The following TBC1D16 variants were observed in gnomAD, a reference collection of about 807,000 sequenced individuals.
The protein encoded by TBC1D16 is TBC1 domain family member 16, also known as CTD-2529O21.1.
TBC1D16 carries 58 observed loss-of-function variants against 74.7 expected under a neutral mutation model. The observed-to-expected ratio is 0.78, with a 90% CI of 0.63 to 0.97. The LOEUF (loss-of-function observed/expected upper bound fraction) is 0.97, where lower values mean the gene tolerates loss of function less well. Ranked by LOEUF, TBC1D16 falls within the 50% of genes least tolerant of loss-of-function variation. TBC1D16 has a pLI of 0.00. For missense variants in TBC1D16, 1,014 were observed against 1,079.5 expected, an observed-to-expected ratio of 0.94 and a Z score of 0.85; for synonymous variants, 493 against 474.7, an observed-to-expected ratio of 1.04 and a Z score of -0.50.
At chr17:80,031,640 C>T (rs568060172) in intron 1 of TBC1D16, among the ~76,000 whole-genome samples, 1 of 152,262 alleles carries the variant, frequency 6.6e-6, no homozygotes, top group South Asian at 2.1e-4. Flanking sequence ...AGACCATCTG[C>T]CATTTGTGCA....
chr17:80,015,510 C>T (rs2036056146), intron 1 of TBC1D16, among the ~76,000 whole-genome samples: 1 of 152,148 alleles, frequency 6.6e-6, no homozygotes, highest in Non-Finnish European at 1.5e-5. Flanking sequence ...TGGGGGATGT[C>T]CAGGACTCTG....
At chr17:79,992,485 C>T (rs1399488946) in intron 3 of TBC1D16, 1 of 152,296 alleles carries the variant, frequency 6.6e-6, no homozygotes, top group Non-Finnish European at 1.5e-5. Flanking sequence ...CCGCCAGGCT[C>T]GGAGAGAGAC....
In TBC1D16 at chr17:80,010,989, G is replaced by A. The variant is rs561034616; in HGVS notation, c.182-232C>T. On this transcript the variant is annotated intron_variant, in intron 2 of 11. Transcript: ENST00000310924. The surrounding 1 kb of genome is among the most constrained non-coding windows in gnomAD (Gnocchi z 8.8). ...CACACACTTCCGGCAGATCCAGGGG[G>A]CACTGGTCCCCAAGCACCGGCCTGC... Among the ~76,000 whole-genome samples, 2 of 152,258 alleles carry A rather than the reference G, an allele frequency of 1.3e-5. No homozygotes were observed. Among genetic ancestry groups the A allele is most frequent in the East Asian group, 1.9e-4 (1 of 5,172 alleles).
intron 1 of TBC1D16, among the ~76,000 whole-genome samples, chr17:80,019,619 C>G (rs1248860278): frequency 6.7e-6 from 1 of 149,962 alleles, no homozygotes; most frequent in Non-Finnish European, 1.5e-5. Flanking sequence ...AGTTCCCAAC[C>G]TCTGGTCACC....
intron 7 of TBC1D16, 109 bp from the exon 8 acceptor site, chr17:79,949,115 C>A: frequency 2.7e-6 from 4 of 1,488,506 alleles, no homozygotes; most frequent in South Asian, 1.2e-5. Context: ...GTTCCCTGGA[C>A]GGGAGCTGGG....
chr17:80,013,376 G>A lies in TBC1D16; in HGVS notation c.172C>T (p.His58Tyr). Residue 58 changes from histidine to tyrosine, a missense_variant, in exon 2 of 12, where the codon CAC (histidine) becomes TAC (tyrosine). His to Tyr is a moderately conservative substitution (Grantham distance 83). Coordinates refer to ENST00000310924, the MANE Select transcript of TBC1D16 (RefSeq NM_019020.4). ...GCCTGCCCTGGCTCACCTGGGTGGTGCTCCCCCAGCCCCTGCAGCCCCTCC... is the reference window on the plus strand; with the variant it reads ...GCCTGCCCTGGCTCACCTGGGTGGTACTCCCCCAGCCCCTGCAGCCCCTCC... ...PPEGLQGLGE[H>Y]HPGYLCLYME... 2 of 1,604,288 alleles carry A rather than the reference G, an allele frequency of 1.2e-6. No individual in the cohort carries two copies. The highest frequency in any genetic ancestry group is 2.2e-5 in the South Asian group (2 of 89,496).
In TBC1D16 at chr17:79,994,552, T is replaced by C. The variant is rs1283579043; in HGVS notation, c.779+15608A>G. Among the ~76,000 whole-genome samples, 1 of 152,168 alleles carries C rather than the reference T, an allele frequency of 6.6e-6. No homozygotes were observed. The highest frequency in any genetic ancestry group is 1.9e-4 in the East Asian group (1 of 5,192). ...AATTCTCCTGTCTCAGCCTCCCAAG[T>C]AGCTGGGATTACAGGTGTCTGCCAC... On this transcript the variant is annotated intron_variant, in intron 3 of 11. Coordinates refer to ENST00000310924, the MANE Select transcript of TBC1D16 (RefSeq NM_019020.4). The surrounding 1 kb of genome is among the most constrained non-coding windows in gnomAD (Gnocchi z 4.6).
Position 80,034,257 on chromosome 17 carries a change from A to C in TBC1D16, c.-63+1538T>G, listed in dbSNP as rs139212741. 5.4e-5 allele frequency among the ~76,000 whole-genome samples: 7 copies of C among 128,744 alleles called. No homozygotes were observed. The East Asian group carries it at 1.6e-3, about 29-fold the overall frequency. 84.5% of individuals were successfully genotyped at this position (128,744 alleles called of 152,430 possible). A position where few individuals can be genotyped will look rare whatever the true frequency, so the allele number is the denominator to read the frequency against. Reference sequence around the variant, plus strand: ...TGCTCTATCACCCGGGCTGGGGTGCAGTTGCACATCTTGGCTCACTGCAAC... The same window carrying C: ...TGCTCTATCACCCGGGCTGGGGTGCCGTTGCACATCTTGGCTCACTGCAAC... On this transcript the variant is annotated intron_variant, in intron 1 of 11. Transcript: ENST00000310924.
At position 79,994,112 on chromosome 17, in the gene TBC1D16, T is replaced by C. The variant is rs2035180015; in HGVS notation, c.779+16048A>G. 6.6e-6 allele frequency among the ~76,000 whole-genome samples: 1 copy of C among 152,012 alleles called. No homozygotes were observed. The highest frequency in any genetic ancestry group is 6.6e-5 in the Admixed American group (1 of 15,260). Reference sequence around the variant, plus strand: ...CTTATTTCCTCCCTGTCCTGACAGTTTTACTAGAAAGGTCAGCTTTTTAAA... The same window carrying C: ...CTTATTTCCTCCCTGTCCTGACAGTCTTACTAGAAAGGTCAGCTTTTTAAA... On this transcript the variant is annotated intron_variant, in intron 3 of 11. Transcript: ENST00000310924. The surrounding 1 kb of genome is among the most constrained non-coding windows in gnomAD (Gnocchi z 4.6).
chr17:80,002,923 A>G (rs1395767592), intron 3 of TBC1D16, among the ~76,000 whole-genome samples: 1 of 152,136 alleles, frequency 6.6e-6, no homozygotes, highest in Admixed American at 6.5e-5. Flanking sequence ...AGGGAACACC[A>G]CGCGGCCTTG....
Position 79,969,597 on chromosome 17 carries a change from C to T in TBC1D16, c.780-16779G>A, listed in dbSNP as rs115848358. Among the ~76,000 whole-genome samples the T allele has an allele frequency of 1.8e-3, 280 of 152,276 alleles. 1 individual carries two copies. The highest frequency in any genetic ancestry group is 6.4e-3 in the African/African-American group (266 of 41,562). On this transcript the variant is annotated intron_variant, in intron 3 of 11. Transcript: ENST00000310924. Reference sequence around the variant, plus strand: ...TTGGTAGGTCCTCAAAAATTAAACACAGTGTTAACATTTGACCAAGTAATT... The same window carrying T: ...TTGGTAGGTCCTCAAAAATTAAACATAGTGTTAACATTTGACCAAGTAATT...
In TBC1D16 at chr17:79,952,800, G is replaced by T. The variant is rs145328326; in HGVS notation, c.798C>A (p.Asp266Glu). The T allele has an allele frequency of 1.2e-6, 2 of 1,609,904 alleles. No individual in the cohort carries two copies. Among genetic ancestry groups the T allele is most frequent in the South Asian group, 2.2e-5 (2 of 90,848 alleles). The stretch of plus-strand genomic sequence containing the variant: ...TGCTGTCCGGGAACCGCAGGCCGGC[G>T]TCGGAGCTGGACGGGGGGCTGGTGG... ...ESDSSPPSSS[D>E]AGLRFPDSNG... Residue 266 changes from aspartate (D) to glutamate (E), a missense_variant, in exon 4 of 12, where the codon GAC becomes GAA. Transcript: ENST00000310924.
intron 3 of TBC1D16, among the ~76,000 whole-genome samples, chr17:79,965,850 C>T (rs1189861815): frequency 6.6e-6 from 1 of 152,248 alleles, no homozygotes; most frequent in African/African-American, 2.4e-5. Flanking sequence ...CAACAGTCAG[C>T]TTTGTCTGCC....
At chr17:79,973,380 C>G (rs981370424) in intron 3 of TBC1D16, among the ~76,000 whole-genome samples, 1 of 152,046 alleles carries the variant, frequency 6.6e-6, no homozygotes, top group Admixed American at 6.6e-5. Context: ...CAAAACCAGC[C>G]TGGGTAACAC....
At chr17:79,942,327 C>T in intron 10 of TBC1D16, 121 bp from the exon 11 acceptor site, 2 of 1,141,320 alleles carry the variant, frequency 1.8e-6, no homozygotes. Flanking sequence ...GGGCTCACAG[C>T]CCAGCTCGGG....
chr17:79,955,863 T>A (rs1488278421), intron 3 of TBC1D16, among the ~76,000 whole-genome samples: 1 of 152,186 alleles, frequency 6.6e-6, no homozygotes, highest in Admixed American at 6.5e-5. Flanking sequence ...GATACAGAGA[T>A]AGAGATTTAA....
rs1400965908 is a variant in TBC1D16, at chr17:79,950,207, TTTTG to T, written c.1257+200_1257+203del. On this transcript the variant is annotated intron_variant, in intron 6 of 11. Coordinates refer to ENST00000310924, the MANE Select transcript of TBC1D16 (RefSeq NM_019020.4). This position sits in a 1 kb window ranked among gnomAD's most constrained non-coding sequence, Gnocchi z 4.6. ...CCAAACCCTCGAGGGAGGTGTTGTGTTTTGTTTTTTTTTTTCAACGCAGCAGCTT... is the reference window on the plus strand; with the variant it reads ...CCAAACCCTCGAGGGAGGTGTTGTGTTTTTTTTTTTTCAACGCAGCAGCTT... Among the ~76,000 whole-genome samples the T allele has an allele frequency of 4.6e-5, 7 of 151,748 alleles. No individual in the cohort carries two copies. Among genetic ancestry groups the T allele is most frequent in the African/African-American group, 9.7e-5 (4 of 41,356 alleles).
Position 79,980,436 on chromosome 17 carries a change from A to G in TBC1D16, c.780-27618T>C, listed in dbSNP as rs147302592. Among the ~76,000 whole-genome samples the G allele has an allele frequency of 2.8e-3, 423 of 152,254 alleles. No individual in the cohort carries two copies. The highest frequency in any genetic ancestry group is 9.7e-3 in the African/African-American group (402 of 41,548). ...AGAAGAGGTTCCCAGGGGAACATGC[A>G]GTGGGAGTCTGGGCCGCTACGTTGT... On this transcript the variant is annotated intron_variant, in intron 3 of 11. Transcript: ENST00000310924. The surrounding 1 kb of genome is among the most constrained non-coding windows in gnomAD (Gnocchi z 7.0).
chr17:80,011,915 T>A (rs2035910568), intron 2 of TBC1D16, among the ~76,000 whole-genome samples: 1 of 152,044 alleles, frequency 6.6e-6, no homozygotes, highest in South Asian at 2.1e-4. Flanking sequence ...TAATGCAGAT[T>A]GTTTGAGGAA....
Sources: allele counts gnomAD v4.1 joint callset (sites outside exome capture counted in the v4.1 genomes callset), GRCh38; gene constraint gnomAD v4.1.1; non-coding constraint Gnocchi (gnomAD v3.1); transcripts MANE v1.5; gene names NCBI Gene and HGNC (gene_info 2026-07-23, HGNC 2026-07-21).